Variants in ADNP observed in about 807,000 individuals in gnomAD.
ADNP encodes activity dependent neuroprotector homeobox, also known as activity-dependent neuroprotector homeobox protein.
A neutral mutation model predicts 84.9 loss-of-function variants in ADNP; 4 were observed. That is an observed-to-expected ratio of 0.05 (90% confidence interval 0.02 to 0.11). The LOEUF is 0.11. Among genes scored for constraint, ADNP ranks in the 10% least tolerant of loss-of-function variants. ADNP has a pLI of 1.00. For synonymous variants in ADNP, 554 were observed against 468.1 expected (o/e 1.18, Z -2.37); for missense variants, 1,132 against 1,326.0 (o/e 0.85, Z 2.27).
At position 50,914,331 on chromosome 20, in the gene ADNP, A is replaced by G. The variant is rs8117058; in HGVS notation, c.-89-9482T>C. 6,246 of 675,698 alleles carry G rather than the reference A, an allele frequency of 9.2e-3. 322 individuals carry two copies. In the African/African-American group the frequency reaches 0.1, roughly 11 times the overall value. The allele number at this position is 675,698 out of a possible 1,614,324, so 41.9% of individuals were successfully genotyped here. The stretch of plus-strand genomic sequence containing the variant: ...GCAATATTTACATAGAGAATAAAGA[A>G]GAAAAGAAACCCCACAAGTGGCCAA... On this transcript the variant is annotated intron_variant, in intron 2 of 5. Coordinates refer to ENST00000621696, the MANE Select transcript of ADNP (RefSeq NM_001282531.3).
chr20:50,929,030 T>C (rs1480114578), intron 1 of ADNP, among the ~76,000 whole-genome samples: 1 of 152,210 alleles, frequency 6.6e-6, no homozygotes, highest in Non-Finnish European at 1.5e-5. Context: ...AACATGGGCT[T>C]GATGTTTACC....
Position 50,893,688 on chromosome 20 carries a change from A to T in ADNP, c.1026T>A (p.Ser342Arg). ...GACCCAGTCTCATTGACTGACCAAC[A>T]CTGTAACCCTGGCCTACAGATTTGA... ...YGVKSVGQGY[S>R]VGQSMRLGLG... Residue 342 changes from serine (S) to arginine (R), a missense_variant, in exon 6 of 6, where the codon AGT becomes AGA. Ser to Arg is a moderately radical substitution (Grantham distance 110). Coordinates refer to ENST00000621696, the MANE Select transcript of ADNP (RefSeq NM_001282531.3). The surrounding 1 kb of genome is among the most constrained non-coding windows in gnomAD (Gnocchi z 4.4). 6.2e-7 allele frequency: 1 copy of T among 1,614,020 alleles called. No individual in the cohort carries two copies. The highest frequency in any genetic ancestry group is 8.5e-7 in the Non-Finnish European group (1 of 1,180,004).
chr20:50,919,374 G>T (rs941179928), intron 2 of ADNP, among the ~76,000 whole-genome samples: 1 of 151,150 alleles, frequency 6.6e-6, no homozygotes, highest in African/African-American at 2.4e-5. Context: ...GGAGGCTGAG[G>T]TGGGAGAATG....
Position 50,891,625 on chromosome 20 carries a change from T to C in ADNP, c.3089A>G (p.Asn1030Ser), listed in dbSNP as rs767048919. 1 of 1,614,192 alleles carries C rather than the reference T, an allele frequency of 6.2e-7. No homozygotes were observed. Among genetic ancestry groups the C allele is most frequent in the Non-Finnish European group, 8.5e-7 (1 of 1,180,048 alleles). The change falls in exon 6 of 6, where the codon AAT becomes AGT. Residue 1030 changes from asparagine (N) to serine (S), a missense_variant. Coordinates refer to ENST00000621696, the MANE Select transcript of ADNP (RefSeq NM_001282531.3). ...CCCTTCAACTTTTCCATAGGAACTA[T>C]TCTTCCATTTCAACTGCTCTCTGTC... is the stretch of plus-strand genomic sequence containing the variant. Reference protein sequence around the residue: ...QGDREQLKWKNSSYGKVEGFW... With the variant: ...QGDREQLKWKSSSYGKVEGFW...
chr20:50,892,985 C>G lies in ADNP; in HGVS notation c.1729G>C (p.Glu577Gln). The change falls in exon 6 of 6, where the codon GAA becomes CAA. Residue 577 changes from glutamate to glutamine, a missense_variant. Around this residue, in one of 10 missense-constraint regions of ADNP, gnomAD observed 87 missense variants for 181.4 expected, o/e 0.48. Transcript: ENST00000621696. ...TTTTGGGCATGGTAAGCAACAGATT[C>G]AGCTGGGGCATCCCTCAGATTGTAT... is the stretch of plus-strand genomic sequence containing the variant. Reference protein sequence around the residue: ...TTYNLRDAPAESVAYHAQNNP... With the variant: ...TTYNLRDAPAQSVAYHAQNNP... 1 of 1,614,204 alleles carries G rather than the reference C, an allele frequency of 6.2e-7. No individual in the cohort carries two copies. Among genetic ancestry groups the G allele is most frequent in the African/African-American group, 1.3e-5 (1 of 75,056 alleles).
chr20:50,906,347 C>T (rs940887822), intron 2 of ADNP, among the ~76,000 whole-genome samples: 1 of 152,174 alleles, frequency 6.6e-6, no homozygotes, highest in Non-Finnish European at 1.5e-5. Flanking sequence ...AAAATGGATG[C>T]CCACAGATAC....
intron 2 of ADNP, among the ~76,000 whole-genome samples, chr20:50,923,965 A>G (rs1296130683): frequency 6.6e-6 from 1 of 152,220 alleles, no homozygotes; most frequent in Non-Finnish European, 1.5e-5. Flanking sequence ...AAATTTTAAT[A>G]AATTCCACCA....
intron 2 of ADNP, among the ~76,000 whole-genome samples, chr20:50,915,497 T>C (rs1983440727): frequency 2.0e-5 from 3 of 152,214 alleles, no homozygotes; most frequent in African/African-American, 7.2e-5. Flanking sequence ...CTCAATCTTT[T>C]TCTAAAATAC....
rs756210929 is a variant in ADNP at position 50,894,396 on chromosome 20, G to C, written c.318C>G (p.Leu106=). ...TGAAGGTACAGTAGGGGCAATTAAG[G>C]AGAATCCTATTTTCAAAGTCTTCAC... is the stretch of plus-strand genomic sequence containing the variant. ...VHSEDFENRI[L]LNCPYCTFNA... is the part of the protein sequence containing the mutation. Residue 106 remains leucine (L), a synonymous_variant, in exon 6 of 6, where the codon CTC becomes CTG. Transcript: ENST00000621696. 3 of 1,614,032 alleles carry C rather than the reference G, an allele frequency of 1.9e-6. No homozygotes were observed. Among genetic ancestry groups the C allele is most frequent in the African/African-American group, 2.7e-5 (2 of 74,914 alleles).
rs1367086588 is a variant in ADNP, at chr20:50,893,595, T to A, written c.1119A>T (p.Gly373=). The A allele has an allele frequency of 1.2e-6, 2 of 1,614,052 alleles. No individual in the cohort carries two copies. The highest frequency in any genetic ancestry group is 1.1e-5 in the South Asian group (1 of 91,080). The change falls in exon 6 of 6, where the codon GGA becomes GGT. Residue 373 remains glycine (G), a synonymous_variant. Coordinates refer to ENST00000621696, the MANE Select transcript of ADNP (RefSeq NM_001282531.3). This position sits in a 1 kb window ranked among gnomAD's most constrained non-coding sequence, Gnocchi z 4.4. Reference sequence around the variant, plus strand: ...ACCCAAGCCCATAAGACCTTCCGTTTCCACTTGGAAGTAACTGCTTTACAG... The same window carrying A: ...ACCCAAGCCCATAAGACCTTCCGTTACCACTTGGAAGTAACTGCTTTACAG... ...SQSVKQLLPS[G]NGRSYGLGSE... is the part of the protein sequence containing the mutation.
chr20:50,923,074 A>G (rs1157117368), intron 2 of ADNP, among the ~76,000 whole-genome samples: 1 of 152,108 alleles, frequency 6.6e-6, no homozygotes, highest in Admixed American at 6.5e-5. Context: ...GACCTAACGT[A>G]CCCTATATTA....
intron 3 of ADNP, chr20:50,904,340 C>T (rs1982274619): frequency 5.0e-6 from 1 of 199,194 alleles, no homozygotes; most frequent in South Asian, 1.0e-4. Flanking sequence ...CTCAGCTTCT[C>T]AAGAGGAAGG....
chr20:50,919,720 C>G (rs1278573701), intron 2 of ADNP, among the ~76,000 whole-genome samples: 1 of 152,150 alleles, frequency 6.6e-6, no homozygotes, highest in Non-Finnish European at 1.5e-5. Context: ...GAAGAATCTG[C>G]ATTTACTGCA....
chr20:50,922,202 C>A (rs1219634884), intron 2 of ADNP, among the ~76,000 whole-genome samples: 1 of 151,980 alleles, frequency 6.6e-6, no homozygotes, highest in Non-Finnish European at 1.5e-5. Context: ...GGTTTTTTCC[C>A]AAGCAGCGGA....
intron 1 of ADNP, among the ~76,000 whole-genome samples, chr20:50,929,100 T>C (rs1984477265): frequency 6.6e-6 from 1 of 152,212 alleles, no homozygotes; most frequent in Non-Finnish European, 1.5e-5. Context: ...CTCTCAAGAA[T>C]GATTTTTAAC....
Position 50,894,267 on chromosome 20 carries a change from ATTTTTG to A in ADNP, c.441_446del (p.Lys148_Asn149del), listed in dbSNP as rs749067162. 3.3e-5 allele frequency: 53 copies of A among 1,613,760 alleles called. No individual in the cohort carries two copies. Among genetic ancestry groups the A allele is most frequent in the Non-Finnish European group, 3.1e-5 (36 of 1,179,960 alleles). On this transcript the variant is annotated inframe_deletion, in exon 6 of 6. Coordinates refer to ENST00000621696, the MANE Select transcript of ADNP (RefSeq NM_001282531.3). ...CAGCCTGCTTAGGTTTAAGGCCATC[ATTTTTG>A]TTTTTATCTTTGAAAGTGCTGAGGC...
chr20:50,909,582 G>C (rs1255977573), intron 2 of ADNP: 1 of 152,188 alleles, frequency 6.6e-6, no homozygotes, highest in Non-Finnish European at 1.5e-5. Context: ...AGAGAGATGA[G>C]TAAGACATGG....
rs1981082444 is a variant in ADNP at position 50,893,770 on chromosome 20, T to C, written c.944A>G (p.Asn315Ser). The C allele has an allele frequency of 6.2e-7, 1 of 1,614,216 alleles. No individual in the cohort carries two copies. The highest frequency in any genetic ancestry group is 1.7e-5 in the Admixed American group (1 of 60,032). The change falls in exon 6 of 6, where the codon AAT becomes AGT. Residue 315 changes from asparagine (N) to serine (S), a missense_variant. This residue lies in a region of ADNP where 239 missense variants were observed against 213.2 expected (regional missense o/e 1.12). Coordinates refer to ENST00000621696, the MANE Select transcript of ADNP (RefSeq NM_001282531.3). This position sits in a 1 kb window ranked among gnomAD's most constrained non-coding sequence, Gnocchi z 4.4. ...GGACATCATGTTGACTCCTGTAGAA[T>C]TTAAGTTAGGCTTTGGTATTGAGAG... ...NRLSIPKPNL[N>S]STGVNMMSSV...
intron 2 of ADNP, chr20:50,913,928 T>TA: frequency 3.0e-6 from 2 of 671,928 alleles, no homozygotes; most frequent in South Asian, 1.6e-5. Context: ...CAGTGAATGA[T>TA]AAAGACTATG....
Sources: allele counts gnomAD v4.1 joint callset (sites outside exome capture counted in the v4.1 genomes callset), GRCh38; gene constraint gnomAD v4.1.1; regional missense constraint gnomAD v4.1.1; non-coding constraint Gnocchi (gnomAD v3.1); transcripts MANE v1.5; gene names NCBI Gene and HGNC (gene_info 2026-07-23, HGNC 2026-07-21).